Variants in SLC23A1 observed in about 807,000 individuals in gnomAD.
SLC23A1 encodes the protein solute carrier family 23 member 1.
Under a neutral mutation model 62.5 loss-of-function variants are expected in SLC23A1, and 31 were observed. The observed-to-expected ratio is 0.50, with a 90% CI of 0.37 to 0.67. SLC23A1 has a LOEUF of 0.67. Among genes scored for constraint, SLC23A1 ranks in the 30% least tolerant of loss-of-function variants. SLC23A1 has a pLI of 0.00. For synonymous variants in SLC23A1, 271 were observed against 313.2 expected (o/e 0.87, Z 1.42); for missense variants, 640 against 782.7 (o/e 0.82, Z 2.18).
In SLC23A1 at chr5:139,379,214, T is replaced by C; in HGVS notation, c.1066A>G (p.Ile356Val). ...AGAPPPPVHA[I>V]NRGIFTEGIC... ...GGAGGGCAGGTAGGCTACCTGTTGA[T>C]AGCATGTACTGGAGGGGGTGGTGCA... Residue 356 changes from isoleucine to valine, a missense_variant, in exon 9 of 15, where the codon ATC becomes GTC. Ile to Val is a conservative substitution (Grantham distance 29, BLOSUM62 3). Coordinates refer to ENST00000348729, the MANE Select transcript of SLC23A1 (RefSeq NM_005847.5). The surrounding 1 kb of genome is among the most constrained non-coding windows in gnomAD (Gnocchi z 4.7). 1 of 1,614,102 alleles carries C rather than the reference T, an allele frequency of 6.2e-7. No homozygotes were observed. The highest frequency in any genetic ancestry group is 1.1e-5 in the South Asian group (1 of 91,084).
Position 139,378,831 on chromosome 5 carries a change from G to T in SLC23A1, c.1074-147C>A. 1.5e-6 allele frequency: 1 copy of T among 657,216 alleles called. No homozygotes were observed. The highest frequency in any genetic ancestry group is 2.7e-6 in the Non-Finnish European group (1 of 372,276). 40.7% of individuals were successfully genotyped at this position (657,216 alleles called of 1,614,324 possible). On this transcript the variant is annotated intron_variant, in intron 9 of 14. Transcript: ENST00000348729. This position sits in a 1 kb window ranked among gnomAD's most constrained non-coding sequence, Gnocchi z 4.5. ...CCCTACTACAGGCCAGAATGCTCAG[G>T]CTCCAGAGCTAGTCCTAGTGCCCTG...
chr5:139,375,128 T>G lies in SLC23A1; in HGVS notation c.1549+2274A>C, dbSNP rs117197860. 4.8e-4 allele frequency among the ~76,000 whole-genome samples: 73 copies of G among 152,300 alleles called. No individual in the cohort carries two copies. In the East Asian group the frequency reaches 0.01, roughly 21 times the overall value. ...TATGTGAACATGAACACTTGGATCTTGAGAGAGAGGGAGGCAGACAGGACC... is the reference window on the plus strand; with the variant it reads ...TATGTGAACATGAACACTTGGATCTGGAGAGAGAGGGAGGCAGACAGGACC... On this transcript the variant is annotated intron_variant, in intron 13 of 14. Transcript: ENST00000348729.
chr5:139,379,289 C>T lies in SLC23A1; in HGVS notation c.991G>A (p.Gly331Ser). The T allele has an allele frequency of 1.9e-6, 3 of 1,614,216 alleles. No individual in the cohort carries two copies. Among genetic ancestry groups the T allele is most frequent in the African/African-American group, 1.3e-5 (1 of 75,072 alleles). ...VLGMFSATLA[G>S]IIESIGDYYA... is the part of the protein sequence containing the mutation. ...TAATCTCCGATGGACTCAATGATGC[C>T]TGCCAGAGTGGCGCTGAACATTCCC... Residue 331 changes from glycine (G) to serine (S), a missense_variant, in exon 9 of 15, where the codon GGC (glycine) becomes AGC (serine). Transcript: ENST00000348729. This position sits in a 1 kb window ranked among gnomAD's most constrained non-coding sequence, Gnocchi z 4.7.
rs370823646 is a variant in SLC23A1, at chr5:139,383,226, G to A, written c.28C>T (p.Arg10Trp). 70 of 1,499,200 alleles carry A rather than the reference G, an allele frequency of 4.7e-5. No individual in the cohort carries two copies. In the African/African-American group the frequency reaches 8.3e-4, roughly 18 times the overall value. The allele number at this position is 1,499,200 out of a possible 1,614,324, so 92.9% of individuals were successfully genotyped here. A position where few individuals can be genotyped will look rare whatever the true frequency, so the allele number is the denominator to read the frequency against. ...CCCCCAGCCCCCAGCACCTGTGTCCGGCCCTCGAGGTCCTCCTGGGCCCTC... is the reference window on the plus strand; with the variant it reads ...CCCCCAGCCCCCAGCACCTGTGTCCAGCCCTCGAGGTCCTCCTGGGCCCTC... Reference protein sequence around the residue: MRAQEDLEGRTQHETTRDPS... With the variant: MRAQEDLEGWTQHETTRDPS... Residue 10 changes from arginine (R) to tryptophan (W), a missense_variant, in exon 1 of 15, where the codon CGG (arginine) becomes TGG (tryptophan). Physicochemically the swap from Arg to Trp is moderately radical, Grantham distance 101. Coordinates refer to ENST00000348729, the MANE Select transcript of SLC23A1 (RefSeq NM_005847.5).
intron 14 of SLC23A1, 25 bp from the exon 15 acceptor site, chr5:139,367,656 T>C (rs1222652445): frequency 6.6e-6 from 1 of 152,192 alleles, no homozygotes; most frequent in Non-Finnish European, 1.5e-5. Context: ...AGATGGCAAT[T>C]GTAGAAAAAC....
chr5:139,383,490 C>T (rs1758390817), upstream of SLC23A1: 1 of 635,984 alleles, frequency 1.6e-6, no homozygotes, highest in Admixed American at 6.3e-5. Context: ...ACATCTGCGC[C>T]TGGGCGCTGG....
At chr5:139,382,184 G>A (rs1758305683) in intron 2 of SLC23A1, 135 bp from the exon 3 acceptor site, 1 of 829,034 alleles carries the variant, frequency 1.2e-6, no homozygotes, top group African/African-American at 1.7e-5. Context: ...GTCCCCACAA[G>A]GGATTCCCAG....
intron 3 of SLC23A1, among the ~76,000 whole-genome samples, chr5:139,381,354 G>T (rs962415596): frequency 6.6e-6 from 1 of 152,216 alleles, no homozygotes; most frequent in Non-Finnish European, 1.5e-5. Flanking sequence ...TCAGAATGGG[G>T]TTTAAGAGGG....
chr5:139,382,231 C>T (rs1406305657), intron 2 of SLC23A1, 182 bp from the exon 3 acceptor site: 6 of 627,972 alleles, frequency 9.6e-6, no homozygotes, highest in Admixed American at 2.9e-5. Context: ...TCACTAATTT[C>T]CACTCAAGAT....
chr5:139,382,169 T>G, intron 2 of SLC23A1, 120 bp from the exon 3 acceptor site: 1 of 977,990 alleles, frequency 1.0e-6, no homozygotes, highest in East Asian at 2.6e-5. Context: ...TGCCCAGGAC[T>G]GGCAGTCCCC....
chr5:139,374,940 G>A (rs890914584), intron 13 of SLC23A1, among the ~76,000 whole-genome samples: 1 of 152,000 alleles, frequency 6.6e-6, no homozygotes, highest in African/African-American at 2.4e-5. Flanking sequence ...TAAATGGGCA[G>A]GGGTACCATG....
In SLC23A1 at chr5:139,379,388, G is replaced by A; in HGVS notation, c.926-34C>T. 6.2e-7 allele frequency: 1 copy of A among 1,608,576 alleles called. No individual in the cohort carries two copies. Among genetic ancestry groups the A allele is most frequent in the Admixed American group, 1.7e-5 (1 of 59,920 alleles). ...GGAGGGAGACAGGATGGTGGCTACAGTGAGGAGACTGTGATGGTTAGGAAT... is the reference window on the plus strand; with the variant it reads ...GGAGGGAGACAGGATGGTGGCTACAATGAGGAGACTGTGATGGTTAGGAAT... On this transcript the variant is annotated intron_variant, in intron 8 of 14. Transcript: ENST00000348729. The surrounding 1 kb of genome is among the most constrained non-coding windows in gnomAD (Gnocchi z 4.7).
chr5:139,379,682 G>T lies in SLC23A1; in HGVS notation c.921C>A (p.Tyr307Ter). The change falls in exon 8 of 15, where the codon TAC becomes TAA. Residue 307 changes from tyrosine to a stop codon, truncating the protein, a stop_gained. Coordinates refer to ENST00000348729, the MANE Select transcript of SLC23A1 (RefSeq NM_005847.5). LOFTEE classifies it high-confidence loss of function. The surrounding 1 kb of genome is among the most constrained non-coding windows in gnomAD (Gnocchi z 4.7). ...MAIAPWIRIP[Y>*]PCQWGLPTVT... The stretch of plus-strand genomic sequence containing the variant: ...GGCCCAAGGGGTGTTGCTCACAGGG[G>T]TAGGGGATGCGGATCCAGGGTGCAA... The T allele has an allele frequency of 6.2e-7, 1 of 1,611,812 alleles. No individual in the cohort carries two copies. The highest frequency in any genetic ancestry group is 1.1e-5 in the South Asian group (1 of 90,638).
chr5:139,379,060 A>G lies in SLC23A1; in HGVS notation c.1073+147T>C. 7.6e-6 allele frequency: 6 copies of G among 789,360 alleles called. No homozygotes were observed. The highest frequency in any genetic ancestry group is 1.7e-5 in the South Asian group (1 of 60,512). 48.9% of individuals were successfully genotyped at this position (789,360 alleles called of 1,614,324 possible). A position where few individuals can be genotyped will look rare whatever the true frequency, so the allele number is the denominator to read the frequency against. Reference sequence around the variant, plus strand: ...AAAGACAGAGGGGTGATGAGAGGGCACCCCCATCGCACAAACAAGGAGAAT... The same window carrying G: ...AAAGACAGAGGGGTGATGAGAGGGCGCCCCCATCGCACAAACAAGGAGAAT... On this transcript the variant is annotated intron_variant, in intron 9 of 14. Coordinates refer to ENST00000348729, the MANE Select transcript of SLC23A1 (RefSeq NM_005847.5). The surrounding 1 kb of genome is among the most constrained non-coding windows in gnomAD (Gnocchi z 4.7).
At chr5:139,380,976 C>T in intron 3 of SLC23A1, 90 bp from the exon 4 acceptor site, 1 of 678,892 alleles carries the variant, frequency 1.5e-6, no homozygotes. Flanking sequence ...AGGGAGAGCA[C>T]AGAGAGAGTG....
At position 139,380,626 on chromosome 5, in the gene SLC23A1, A is replaced by C. The variant is rs1334640827; in HGVS notation, c.404T>G (p.Ile135Ser). 2.5e-6 allele frequency: 4 copies of C among 1,613,108 alleles called. No individual in the cohort carries two copies. The Admixed American group carries it at 5.0e-5, about 20-fold the overall frequency. Residue 135 changes from isoleucine to serine, a missense_variant, in exon 5 of 15, where the codon ATC becomes AGC. Physicochemically the swap from Ile to Ser is moderately radical, Grantham distance 142. Transcript: ENST00000348729. ...CAGGGGCAGACTCCAGTTACCGTAG[A>C]TCTCCTCTGGGGGTAGAGTCAGGGA... The part of the protein sequence containing the change: ...ERWKCPPEEE[I>S]YGNWSLPLNT...
At position 139,378,540 on chromosome 5, in the gene SLC23A1, G is replaced by T. The variant is rs749314827; in HGVS notation, c.1179+39C>A. ...AGTTGGGGCGGGGCCTGCGGCCCAC[G>T]GAATTAGGGCAGGATTTGGCTCTGG... On this transcript the variant is annotated intron_variant, in intron 10 of 14. Coordinates refer to ENST00000348729, the MANE Select transcript of SLC23A1 (RefSeq NM_005847.5). This position sits in a 1 kb window ranked among gnomAD's most constrained non-coding sequence, Gnocchi z 4.5. The T allele has an allele frequency of 6.7e-7, 1 of 1,496,402 alleles. No individual in the cohort carries two copies. The highest frequency in any genetic ancestry group is 1.2e-5 in the South Asian group (1 of 81,858). The allele number at this position is 1,496,402 out of a possible 1,614,324, so 92.7% of individuals were successfully genotyped here.
intron 14 of SLC23A1, among the ~76,000 whole-genome samples, chr5:139,371,031 G>A (rs757757644): frequency 2.0e-5 from 3 of 151,962 alleles, no homozygotes; most frequent in African/African-American, 4.8e-5. Flanking sequence ...GCAGTGAGCC[G>A]AGATGGCGCC....
intron 14 of SLC23A1, 62 bp downstream of exon 14, chr5:139,371,925 G>T: frequency 7.4e-7 from 1 of 1,348,906 alleles, no homozygotes; most frequent in South Asian, 1.3e-5. Flanking sequence ...TTTTTCTTTG[G>T]TTAAAGCATA....
Sources: allele counts gnomAD v4.1 joint callset (sites outside exome capture counted in the v4.1 genomes callset), GRCh38; gene constraint gnomAD v4.1.1; non-coding constraint Gnocchi (gnomAD v3.1); transcripts MANE v1.5; gene names NCBI Gene and HGNC (gene_info 2026-07-23, HGNC 2026-07-21).